Variants in RPS6KA2 observed in about 807,000 individuals in gnomAD.
RPS6KA2 encodes ribosomal protein S6 kinase alpha-2.
A neutral mutation model predicts 91.8 loss-of-function variants in RPS6KA2; 42 were observed. That is an observed-to-expected ratio of 0.46 (90% confidence interval 0.36 to 0.59). The LOEUF (loss-of-function observed/expected upper bound fraction) is 0.59, where lower values mean the gene tolerates loss of function less well. Among genes scored for constraint, RPS6KA2 ranks in the 20% least tolerant of loss-of-function variants. The pLI is 0.00. For synonymous variants in RPS6KA2, 414 were observed against 393.6 expected, an observed-to-expected ratio of 1.05 and a Z score of -0.61; for missense variants, 798 against 978.5, an observed-to-expected ratio of 0.82 and a Z score of 2.46.
chr6:166,619,098 C>T (rs1786531026), intron 1 of RPS6KA2, among the ~76,000 whole-genome samples: 1 of 152,186 alleles, frequency 6.6e-6, no homozygotes, highest in Non-Finnish European at 1.5e-5. Flanking sequence ...CCCATCGATG[C>T]CATCAGCAAA....
chr6:166,593,609 C>G (rs1038988533), intron 1 of RPS6KA2, among the ~76,000 whole-genome samples: 1 of 151,950 alleles, frequency 6.6e-6, no homozygotes, highest in Non-Finnish European at 1.5e-5. Flanking sequence ...TTAAAATTGA[C>G]GTGCGTCAAA....
chr6:166,757,009 C>T (rs1778030936), intron 2 of RPS6KA2, among the ~76,000 whole-genome samples: 1 of 152,074 alleles, frequency 6.6e-6, no homozygotes. Flanking sequence ...ATACTTAATG[C>T]CGCTGAACTG....
intron 3 of RPS6KA2, among the ~76,000 whole-genome samples, chr6:166,521,775 G>C (rs1292204170): frequency 6.6e-6 from 1 of 152,236 alleles, no homozygotes; most frequent in Admixed American, 6.5e-5. Context: ...GAGATGGGAT[G>C]AATGTGGGAA....
intron 15 of RPS6KA2, among the ~76,000 whole-genome samples, chr6:166,431,448 C>T (rs905134748): frequency 6.6e-6 from 1 of 152,226 alleles, no homozygotes. Flanking sequence ...GCATGGACAG[C>T]ACTGAGTGGC....
At chr6:166,645,415 T>G (rs1199060164) in intron 2 of RPS6KA2, among the ~76,000 whole-genome samples, 1 of 152,192 alleles carries the variant, frequency 6.6e-6, no homozygotes, top group Non-Finnish European at 1.5e-5. Context: ...GAGTTTCCGT[T>G]TAGCCGCTTT....
At chr6:166,760,419 A>G (rs1036201337) in intron 2 of RPS6KA2, among the ~76,000 whole-genome samples, 1 of 152,258 alleles carries the variant, frequency 6.6e-6, no homozygotes, top group Admixed American at 6.5e-5. Context: ...TACATCGAAG[A>G]TGAACTCACC....
At chr6:166,795,344 T>C (rs1779197543) in intron 2 of RPS6KA2, among the ~76,000 whole-genome samples, 1 of 152,194 alleles carries the variant, frequency 6.6e-6, no homozygotes, top group Admixed American at 6.5e-5. Flanking sequence ...AAACACAGTC[T>C]TTAAATTAAA....
chr6:166,690,957 A>G (rs1196206750), intron 2 of RPS6KA2, among the ~76,000 whole-genome samples: 1 of 152,238 alleles, frequency 6.6e-6, no homozygotes, highest in African/African-American at 2.4e-5. Flanking sequence ...ACATGAAAGC[A>G]TTAAATAAAT....
rs1197305404 is a variant in RPS6KA2 at position 166,423,106 on chromosome 6, G to A, written c.1743+150C>T. On this transcript the variant is annotated intron_variant, in intron 17 of 20. Coordinates refer to ENST00000265678, the MANE Select transcript of RPS6KA2 (RefSeq NM_021135.6). The surrounding 1 kb of genome is among the most constrained non-coding windows in gnomAD (Gnocchi z 4.8). The stretch of plus-strand genomic sequence containing the variant: ...AGATTGGCCCCTGGCTCAAGAGACT[G>A]AAGGTTCTCGTTTCTGTTTCCCAAC... 1 of 700,664 alleles carries A rather than the reference G, an allele frequency of 1.4e-6. No individual in the cohort carries two copies. Among genetic ancestry groups the A allele is most frequent in the Admixed American group, 3.1e-5 (1 of 31,998 alleles). 43.4% of individuals were successfully genotyped at this position (700,664 alleles called of 1,614,324 possible). A position where few individuals can be genotyped will look rare whatever the true frequency, so the allele number is the denominator to read the frequency against.
chr6:166,485,621 G>A (rs1781380933), intron 10 of RPS6KA2, among the ~76,000 whole-genome samples: 2 of 152,154 alleles, frequency 1.3e-5, no homozygotes, highest in Non-Finnish European at 2.9e-5. Context: ...CGATGCATTG[G>A]CTTAGCTGAG....
chr6:166,861,100 A>T (rs1781036788), intron 1 of RPS6KA2, among the ~76,000 whole-genome samples: 1 of 152,250 alleles, frequency 6.6e-6, no homozygotes, highest in Non-Finnish European at 1.5e-5. Context: ...TTCCAAGAAA[A>T]CTATTCAATA....
intron 1 of RPS6KA2, among the ~76,000 whole-genome samples, chr6:166,568,072 A>C (rs979097679): frequency 6.6e-6 from 1 of 152,136 alleles, no homozygotes; most frequent in African/African-American, 2.4e-5. Context: ...CGGCCCTTGG[A>C]CATCCTGCTC....
chr6:166,418,248 C>T lies in RPS6KA2; in HGVS notation c.1915G>A (p.Asp639Asn), dbSNP rs748273135. The change falls in exon 19 of 21, where the codon GAC becomes AAC. Residue 639 changes from aspartate to asparagine, a missense_variant. Transcript: ENST00000265678. The surrounding 1 kb of genome is among the most constrained non-coding windows in gnomAD (Gnocchi z 4.9). ...GKYALSGGNW[D>N]SISDAAKDVV... ...ACTTTAGCTGCGTCAGATATCGAGT[C>T]CCAGTTTCCCCCAGAAAGGGCATAC... is the stretch of plus-strand genomic sequence containing the variant. 7.4e-6 allele frequency: 12 copies of T among 1,612,656 alleles called. No homozygotes were observed. In the Admixed American group the frequency reaches 1.8e-4, roughly 25 times the overall value.
At chr6:166,775,864 C>T (rs903386336) in intron 2 of RPS6KA2, among the ~76,000 whole-genome samples, 2 of 152,360 alleles carry the variant, frequency 1.3e-5, no homozygotes, top group South Asian at 2.1e-4. Flanking sequence ...CAGGCAAAGG[C>T]GCACAGAGAG....
chr6:166,614,131 G>T (rs1786308673), intron 1 of RPS6KA2, among the ~76,000 whole-genome samples: 1 of 152,178 alleles, frequency 6.6e-6, no homozygotes, highest in Admixed American at 6.5e-5. Flanking sequence ...TGTCTCCCTG[G>T]ACTGCCCTCT....
chr6:166,657,461 TAAC>T (rs1249222089), intron 2 of RPS6KA2, among the ~76,000 whole-genome samples: 1 of 152,218 alleles, frequency 6.6e-6, no homozygotes, highest in Non-Finnish European at 1.5e-5. Context: ...ATATTTATGA[TAAC>T]AACATTCCTT....
At chr6:166,470,713 C>T (rs1019191289) in intron 10 of RPS6KA2, among the ~76,000 whole-genome samples, 7 of 152,146 alleles carry the variant, frequency 4.6e-5, no homozygotes, top group Non-Finnish European at 7.3e-5. Context: ...CTCAGCTCAC[C>T]GACTGCAGAA....
chr6:166,709,987 T>G (rs1204272469), intron 2 of RPS6KA2, among the ~76,000 whole-genome samples: 5 of 152,234 alleles, frequency 3.3e-5, no homozygotes, highest in Admixed American at 3.3e-4. Context: ...CATATTCTAT[T>G]ATCGAACCAG....
chr6:166,575,539 T>C (rs999586855), intron 1 of RPS6KA2, among the ~76,000 whole-genome samples: 5 of 152,254 alleles, frequency 3.3e-5, no homozygotes, highest in African/African-American at 1.2e-4. Context: ...ATGGGTTTGG[T>C]GTTGCTTTTT....
Sources: allele counts gnomAD v4.1 joint callset (sites outside exome capture counted in the v4.1 genomes callset), GRCh38; gene constraint gnomAD v4.1.1; non-coding constraint Gnocchi (gnomAD v3.1); transcripts MANE v1.5; gene names NCBI Gene and HGNC (gene_info 2026-07-23, HGNC 2026-07-21).